MARVELD3: variants seen among roughly 807,000 people sequenced by gnomAD.
MARVELD3 encodes the protein MARVEL domain-containing protein 3.
A neutral mutation model predicts 33.5 loss-of-function variants in MARVELD3; 28 were observed. The ratio of observed to expected loss-of-function variants is 0.84; its 90% CI spans 0.62 to 1.15. The LOEUF is 1.15. MARVELD3 is among the 50% of genes most tolerant of loss of function. MARVELD3 has a pLI of 0.00. For missense variants in MARVELD3, 582 were observed against 547.6 expected (o/e 1.06, Z -0.63); for synonymous variants, 241 against 230.4 (o/e 1.05, Z -0.42).
Position 71,636,184 on chromosome 16 carries a change from T to TA in MARVELD3, c.*1387dup, listed in dbSNP as rs1456509247. ...AGTTCTTTGCTTTATGTGAATCCAA[T>TA]AAAAAATCCAAAGAATTTTAATTTG... On this transcript the variant is annotated 3_prime_UTR_variant, in exon 3 of 3. Coordinates refer to ENST00000268485, the MANE Select transcript of MARVELD3 (RefSeq NM_052858.6). 3 of 980,016 alleles carry TA rather than the reference T, an allele frequency of 3.1e-6. No homozygotes were observed. Among genetic ancestry groups the TA allele is most frequent in the African/African-American group, 3.5e-5 (2 of 57,146 alleles). 60.7% of individuals were successfully genotyped at this position (980,016 alleles called of 1,614,324 possible).
downstream of MARVELD3, chr16:71,640,919 G>A (rs1232763386): frequency 6.2e-7 from 1 of 1,614,100 alleles, no homozygotes; most frequent in Non-Finnish European, 8.5e-7. Flanking sequence ...GCGCCAGCGT[G>A]GTGCTGGCCC....
Position 71,626,229 on chromosome 16 carries a change from C to A in MARVELD3, c.-1C>A, listed in dbSNP as rs1445863204. On this transcript the variant is annotated 5_prime_UTR_variant, in exon 1 of 3. Transcript: ENST00000268485. This position sits in a 1 kb window ranked among gnomAD's most constrained non-coding sequence, Gnocchi z 5.3. ...CCCGGGCGGGGACACGGAACCCGGCCATGGAAGATCCGTCGGGGGCTCGCG... is the reference window on the plus strand; with the variant it reads ...CCCGGGCGGGGACACGGAACCCGGCAATGGAAGATCCGTCGGGGGCTCGCG... 5 of 1,484,508 alleles carry A rather than the reference C, an allele frequency of 3.4e-6. No homozygotes were observed. The highest frequency in any genetic ancestry group is 4.5e-6 in the Non-Finnish European group (5 of 1,120,692). The allele number at this position is 1,484,508 out of a possible 1,614,324, so 92.0% of individuals were successfully genotyped here.
chr16:71,640,694 C>A (rs1186507323), downstream of MARVELD3: 1 of 1,614,240 alleles, frequency 6.2e-7, no homozygotes. Context: ...GGAAGTGGCT[C>A]CTCACGGAGG....
rs1431313204 is a variant in MARVELD3, at chr16:71,629,691, A to G, written c.595+197A>G. 7.1e-6 allele frequency: 4 copies of G among 559,760 alleles called. No individual in the cohort carries two copies. In the African/African-American group the frequency reaches 8.0e-5, roughly 11 times the overall value. 34.7% of individuals were successfully genotyped at this position (559,760 alleles called of 1,614,324 possible). A position where few individuals can be genotyped will look rare whatever the true frequency, so the allele number is the denominator to read the frequency against. Reference sequence around the variant, plus strand: ...AGGAACGTCTCAAAAGTGCTGCTAGATTTCCTGTGCTTCTCCTTAAACATG... The same window carrying G: ...AGGAACGTCTCAAAAGTGCTGCTAGGTTTCCTGTGCTTCTCCTTAAACATG... On this transcript the variant is annotated intron_variant, in intron 2 of 2. Transcript: ENST00000268485.
chr16:71,640,097 C>T (rs542923946), downstream of MARVELD3, among the ~76,000 whole-genome samples: 20 of 151,852 alleles, frequency 1.3e-4, no homozygotes, highest in African/African-American at 4.8e-4. Flanking sequence ...GGTGAAACCC[C>T]GTCTCTACTA....
chr16:71,633,089 G>A (rs2145279112), intron 2 of MARVELD3, among the ~76,000 whole-genome samples: 1 of 151,984 alleles, frequency 6.6e-6, no homozygotes, highest in South Asian at 2.1e-4. Context: ...AACGACCAGT[G>A]CAGTGGCTCA....
downstream of MARVELD3, chr16:71,640,598 C>T (rs762358162): frequency 1.2e-5 from 19 of 1,614,200 alleles, no homozygotes; most frequent in Admixed American, 1.0e-4. Context: ...CCCTGATATA[C>T]GGTGGCGTGG....
At chr16:71,629,562 T>G (rs1442066287) in intron 2 of MARVELD3, 68 bp downstream of exon 2, 1 of 1,464,998 alleles carries the variant, frequency 6.8e-7, no homozygotes, top group East Asian at 2.7e-5. Context: ...TGGTCTGAGC[T>G]GGTGAAGCAA....
chr16:71,629,980 G>A (rs2044512594), intron 2 of MARVELD3, among the ~76,000 whole-genome samples: 1 of 151,928 alleles, frequency 6.6e-6, no homozygotes, highest in South Asian at 2.1e-4. Flanking sequence ...AGTGGCTCAT[G>A]CCTGTAATCT....
chr16:71,626,654 A>C lies in MARVELD3; in HGVS notation c.425A>C (p.Gln142Pro), dbSNP rs749646737. 9.8e-6 allele frequency: 15 copies of C among 1,532,978 alleles called. No homozygotes were observed. In the African/African-American group the frequency reaches 1.9e-4, roughly 20 times the overall value. The allele number at this position is 1,532,978 out of a possible 1,614,324, so 95.0% of individuals were successfully genotyped here. ...CCCTGGGAAGCCCCGGAGCCGCCGC[A>C]GCCGCAGAGGAAGGGAGACCCCGGG... ...PAPWEAPEPP[Q>P]PQRKGDPGRR... is the part of the protein sequence containing the mutation. Residue 142 changes from glutamine to proline, a missense_variant, in exon 1 of 3, where the codon CAG (glutamine) becomes CCG (proline). Transcript: ENST00000268485. This position sits in a 1 kb window ranked among gnomAD's most constrained non-coding sequence, Gnocchi z 5.3.
rs751938893 is a variant in MARVELD3 at position 71,634,218 on chromosome 16, C to T, written c.621C>T (p.Leu207=). 2.5e-6 allele frequency: 4 copies of T among 1,607,092 alleles called. No individual in the cohort carries two copies. Among genetic ancestry groups the T allele is most frequent in the Non-Finnish European group, 3.4e-6 (4 of 1,174,452 alleles). The part of the protein sequence containing the change: ...GRACCQMLEV[L]LNLLILACSS... ...CCTGCTGCCAAATGCTGGAGGTTCT[C>T]CTGAACTTGCTGATCCTGGCCTGCA... Residue 207 remains leucine, a synonymous_variant, in exon 3 of 3, where the codon CTC becomes CTT. Transcript: ENST00000268485.
downstream of MARVELD3, chr16:71,640,656 G>A (rs748087248): frequency 5.6e-6 from 9 of 1,614,122 alleles, no homozygotes; most frequent in Admixed American, 6.7e-5. Context: ...TTTACTCCAA[G>A]GAGCCAAGAG....
At position 71,626,627 on chromosome 16, in the gene MARVELD3, C is replaced by A. The variant is rs985883472; in HGVS notation, c.398C>A (p.Ala133Glu). The A allele has an allele frequency of 2.6e-6, 4 of 1,538,096 alleles. No individual in the cohort carries two copies. The East Asian group carries it at 7.4e-5, about 28-fold the overall frequency. ...GACGCAGCCGCGCCTCCTGGGCCCG[C>A]GCCCTGGGAAGCCCCGGAGCCGCCG... The part of the protein sequence containing the change: ...TWDAAAPPGP[A>E]PWEAPEPPQP... Residue 133 changes from alanine (A) to glutamate (E), a missense_variant, in exon 1 of 3, where the codon GCG becomes GAG. Coordinates refer to ENST00000268485, the MANE Select transcript of MARVELD3 (RefSeq NM_052858.6). The surrounding 1 kb of genome is among the most constrained non-coding windows in gnomAD (Gnocchi z 5.3).
rs377581722 is a variant in MARVELD3, at chr16:71,634,170, A to C, written c.596-23A>C. 3.5e-4 allele frequency: 545 copies of C among 1,577,160 alleles called. 1 individual carries two copies. The South Asian group carries it at 3.5e-3, about 10-fold the overall frequency. ...TGGTGCCAAACAGCATCACTCAAAA[A>C]TGGTAACACCCTTTTTTTGCAGCCT... On this transcript the variant is annotated intron_variant, in intron 2 of 2. Coordinates refer to ENST00000268485, the MANE Select transcript of MARVELD3 (RefSeq NM_052858.6).
downstream of MARVELD3, chr16:71,636,536 G>T (rs544831947): frequency 6.6e-6 from 1 of 152,220 alleles, no homozygotes; most frequent in South Asian, 2.1e-4. Context: ...TAGTTAAGCA[G>T]ATTATTAAAT....
At position 71,634,668 on chromosome 16, in the gene MARVELD3, C is replaced by A. The variant is rs768164138; in HGVS notation, c.1071C>A (p.His357Gln). The change falls in exon 3 of 3, where the codon CAC becomes CAA. Residue 357 changes from histidine (H) to glutamine (Q), a missense_variant. Transcript: ENST00000268485. ...KGYSGFGCSF[H>Q]GADIGAGIFA... is the part of the protein sequence containing the mutation. Reference sequence around the variant, plus strand: ...ACAGCGGTTTCGGCTGCAGTTTCCACGGAGCAGATATAGGAGCTGGAATCT... The same window carrying A: ...ACAGCGGTTTCGGCTGCAGTTTCCAAGGAGCAGATATAGGAGCTGGAATCT... The A allele has an allele frequency of 3.0e-5, 48 of 1,614,088 alleles. No individual in the cohort carries two copies. The highest frequency in any genetic ancestry group is 3.9e-5 in the Non-Finnish European group (46 of 1,180,052).
rs1457971271 is a variant in MARVELD3, at chr16:71,634,808, T to G, written c.*5T>G. 6.3e-6 allele frequency: 10 copies of G among 1,584,052 alleles called. No individual in the cohort carries two copies. Among genetic ancestry groups the G allele is most frequent in the Non-Finnish European group, 8.6e-6 (10 of 1,166,918 alleles). On this transcript the variant is annotated 3_prime_UTR_variant, in exon 3 of 3. Transcript: ENST00000268485. The stretch of plus-strand genomic sequence containing the variant: ...GCAGAAATGTTTGAATTTTAAGGGT[T>G]TCTAAAACGCTCTGACAGATGCAAG...
chr16:71,634,688 GA>G lies in MARVELD3; in HGVS notation c.1093del (p.Ile365SerfsTer18), dbSNP rs1567605742. On this transcript the variant is annotated frameshift_variant, in exon 3 of 3. Coordinates refer to ENST00000268485, the MANE Select transcript of MARVELD3 (RefSeq NM_052858.6). LOFTEE classifies it high-confidence loss of function. ...TTCCACGGAGCAGATATAGGAGCTG[GA>G]ATCTTTGCTGCCCTGGGCATTGTGG... is the stretch of plus-strand genomic sequence containing the variant. ...CSFHGADIGAGIFAALGIVVF... is the reference protein window; with the variant it reads ...CSFHGADIGAXIFAALGIVVF... 3 of 1,614,136 alleles carry G rather than the reference GA, an allele frequency of 1.9e-6. No individual in the cohort carries two copies. The highest frequency in any genetic ancestry group is 1.3e-5 in the African/African-American group (1 of 74,940).
At chr16:71,639,465 G>C (rs930421515), downstream of MARVELD3, 3 of 44,224 alleles carry the variant, frequency 6.8e-5, no homozygotes, top group African/African-American at 1.5e-4. Flanking sequence ...TTTTTTTTTT[G>C]AGATGGAGTC....
Sources: allele counts gnomAD v4.1 joint callset (sites outside exome capture counted in the v4.1 genomes callset), GRCh38; gene constraint gnomAD v4.1.1; non-coding constraint Gnocchi (gnomAD v3.1); transcripts MANE v1.5; gene names NCBI Gene and HGNC (gene_info 2026-07-23, HGNC 2026-07-21).